Variants in ZNF814 observed in about 807,000 individuals in gnomAD.
The protein encoded by ZNF814 is zinc finger protein 814.
Under a neutral mutation model 7.5 loss-of-function variants are expected in ZNF814, and 5 were observed. The observed-to-expected ratio is 0.67, with a 90% CI of 0.35 to 1.40. The LOEUF (loss-of-function observed/expected upper bound fraction) is 1.40. Among genes scored for constraint, ZNF814 ranks in the 40% most tolerant of loss-of-function variants. ZNF814 has a pLI of 0.04. For synonymous variants in ZNF814, 315 were observed against 340.7 expected, an observed-to-expected ratio of 0.92 and a Z score of 0.83; for missense variants, 962 against 1,018.0, an observed-to-expected ratio of 0.94 and a Z score of 0.75.
chr19:57,888,944 G>T lies in ZNF814; in HGVS notation c.-142C>A. The T allele has an allele frequency of 1.2e-6, 1 of 866,450 alleles. No homozygotes were observed. Among genetic ancestry groups the T allele is most frequent in the Non-Finnish European group, 1.8e-6 (1 of 556,234 alleles). The allele number at this position is 866,450 out of a possible 1,614,324, so 53.7% of individuals were successfully genotyped here. A position where few individuals can be genotyped will look rare whatever the true frequency, so the allele number is the denominator to read the frequency against. ...CCAGAGTAGCCTCTGTGCAGCGGAG[G>T]ACAACTGCTCCCCGACTTCTGGGTT... On this transcript the variant is annotated 5_prime_UTR_variant, in exon 1 of 3. Coordinates refer to ENST00000435989, the MANE Select transcript of ZNF814 (RefSeq NM_001144989.2).
chr19:57,870,916 G>T lies in ZNF814; in HGVS notation c.*1906C>A, dbSNP rs1275474259. On this transcript the variant is annotated 3_prime_UTR_variant, in exon 3 of 3. Coordinates refer to ENST00000435989, the MANE Select transcript of ZNF814 (RefSeq NM_001144989.2). ...AATCGTTTGAACCTGGGAGGCAGAG[G>T]TTGCCGTGAGCCAAGATTATGCCAC... 6.6e-6 allele frequency: 1 copy of T among 151,906 alleles called. No homozygotes were observed. The highest frequency in any genetic ancestry group is 2.4e-5 in the African/African-American group (1 of 41,316). The allele number at this position is 151,906 out of a possible 1,614,324, so 9.4% of individuals were successfully genotyped here.
rs1423234091 is a variant in ZNF814, at chr19:57,882,373, C to T, written c.37-5331G>A. ...AAGGACATAAGCCTGTCTGGCTTTG[C>T]CACCTGCTGACTGTACCGGGCTAGG... is the stretch of plus-strand genomic sequence containing the variant. On this transcript the variant is annotated intron_variant, in intron 1 of 2. Transcript: ENST00000435989. Among the ~76,000 whole-genome samples the T allele has an allele frequency of 1.1e-4, 6 of 56,900 alleles. 3 individuals carry two copies. The East Asian group carries it at 2.4e-3, about 23-fold the overall frequency. The allele number at this position is 56,900 out of a possible 152,430, so 37.3% of individuals were successfully genotyped here. A position where few individuals can be genotyped will look rare whatever the true frequency, so the allele number is the denominator to read the frequency against.
rs2071574553 is a variant in ZNF814 at position 57,873,451 on chromosome 19, G to C, written c.1939C>G (p.Leu647Val). The change falls in exon 3 of 3, where the codon CTT (leucine) becomes GTT (valine). Residue 647 changes from leucine (L) to valine (V), a missense_variant. Transcript: ENST00000435989. The stretch of plus-strand genomic sequence containing the variant: ...GTGTGAACTCGCTGATGATTCCTAA[G>C]GTGTCCTTTTTCATTAAAAGATTTC... ...CGKSFNEKGH[L>V]RNHQRVHTTE... 2.5e-6 allele frequency: 4 copies of C among 1,613,924 alleles called. No individual in the cohort carries two copies. Among genetic ancestry groups the C allele is most frequent in the Non-Finnish European group, 2.5e-6 (3 of 1,180,008 alleles).
At chr19:57,895,768 G>T in the ZNF814 span, among the ~76,000 whole-genome samples, 1 of 152,078 alleles carries the variant, frequency 6.6e-6, no homozygotes, top group Non-Finnish European at 1.5e-5. Flanking sequence ...TCCCTTCAAG[G>T]TTCACCAGAA....
At chr19:57,897,141 T>G in the ZNF814 span, among the ~76,000 whole-genome samples, 1 of 152,168 alleles carries the variant, frequency 6.6e-6, no homozygotes, top group African/African-American at 2.4e-5. Context: ...AGGCCATAAC[T>G]GACAAAACAG....
chr19:57,902,922 G>A, the ZNF814 span, among the ~76,000 whole-genome samples: 3 of 151,776 alleles, frequency 2.0e-5, no homozygotes, highest in Admixed American at 6.6e-5. Flanking sequence ...CTCATGATCC[G>A]CCCGCCGCAG....
chr19:57,871,680 G>C lies in ZNF814; in HGVS notation c.*1142C>G, dbSNP rs74909970. On this transcript the variant is annotated 3_prime_UTR_variant, in exon 3 of 3. Transcript: ENST00000435989. ...ACATAGTCCGTCTTTTCAAGTCAAC[G>C]TAAGAGGCCTCTGGGATAAAAATGG... is the stretch of plus-strand genomic sequence containing the variant. The C allele has an allele frequency of 6.6e-6, 1 of 151,848 alleles. No homozygotes were observed. The highest frequency in any genetic ancestry group is 1.5e-5 in the Non-Finnish European group (1 of 68,002). 9.4% of individuals were successfully genotyped at this position (151,848 alleles called of 1,614,324 possible).
At chr19:57,892,982 G>C (rs896532530), upstream of ZNF814, among the ~76,000 whole-genome samples, 1 of 152,122 alleles carries the variant, frequency 6.6e-6, no homozygotes, top group Non-Finnish European at 1.5e-5. Flanking sequence ...TGGCTAATGT[G>C]TATGTTTTGT....
chr19:57,905,021 T>C, the ZNF814 span, among the ~76,000 whole-genome samples: 1 of 118,626 alleles, frequency 8.4e-6, no homozygotes, highest in African/African-American at 3.3e-5. Flanking sequence ...CACTCCAGCC[T>C]GGGCAACAAG....
At chr19:57,902,928 C>T in the ZNF814 span, among the ~76,000 whole-genome samples, 149 of 152,218 alleles carry the variant, frequency 9.8e-4, 1 homozygote, top group Middle Eastern at 0.01. Context: ...ATCCGCCCGC[C>T]GCAGCCTCCC....
chr19:57,875,322 A>C (rs2071597158), intron 2 of ZNF814, 96 bp from the exon 3 acceptor site: 1 of 1,609,682 alleles, frequency 6.2e-7, no homozygotes, highest in Non-Finnish European at 8.5e-7. Context: ...GAATTACTCC[A>C]AGGAACTACT....
At chr19:57,900,886 C>A in the ZNF814 span, among the ~76,000 whole-genome samples, 17 of 96,042 alleles carry the variant, frequency 1.8e-4, no homozygotes, top group Middle Eastern at 0.011. Context: ...CTTGCTCTGT[C>A]GCCCAGGCTG....
At chr19:57,898,613 CCTA>C in the ZNF814 span, among the ~76,000 whole-genome samples, 1 of 152,250 alleles carries the variant, frequency 6.6e-6, no homozygotes, top group East Asian at 1.9e-4. Context: ...ACACATAGAG[CCTA>C]CTTTCTCTCC....
At chr19:57,875,731 T>C (rs1184823956) in intron 2 of ZNF814, among the ~76,000 whole-genome samples, 2 of 152,060 alleles carry the variant, frequency 1.3e-5, no homozygotes, top group African/African-American at 2.4e-5. Context: ...AGAATGGACA[T>C]TAGGGTACAA....
At chr19:57,890,150 T>C (rs1160211507), upstream of ZNF814, among the ~76,000 whole-genome samples, 1 of 152,172 alleles carries the variant, frequency 6.6e-6, no homozygotes, top group Non-Finnish European at 1.5e-5. Context: ...ATTATTGTAT[T>C]GTTAAAATGA....
At chr19:57,883,085 G>A (rs1429431055) in intron 1 of ZNF814, among the ~76,000 whole-genome samples, 4 of 151,906 alleles carry the variant, frequency 2.6e-5, no homozygotes, top group Non-Finnish European at 1.5e-5. Context: ...CTGGCCGGGT[G>A]TGGTGGCTCA....
intron 1 of ZNF814, among the ~76,000 whole-genome samples, chr19:57,879,821 G>A (rs1411774902): frequency 7.9e-6 from 1 of 126,882 alleles, no homozygotes; most frequent in Non-Finnish European, 1.7e-5. Context: ...GCCAGGCACG[G>A]TGGCTCGAGT....
At chr19:57,877,601 C>A (rs978009947) in intron 1 of ZNF814, among the ~76,000 whole-genome samples, 3 of 152,018 alleles carry the variant, frequency 2.0e-5, no homozygotes, top group Non-Finnish European at 4.4e-5. Context: ...TACCACCACA[C>A]CTGGCTAATT....
chr19:57,888,246 T>C (rs1167364726), intron 1 of ZNF814, among the ~76,000 whole-genome samples: 1 of 152,238 alleles, frequency 6.6e-6, no homozygotes, highest in Non-Finnish European at 1.5e-5. Context: ...TCAGCCTCTG[T>C]GCCCATGGCC....
Sources: gnomAD v4.1 joint callset for allele counts (sites outside exome capture counted in the v4.1 genomes callset) on GRCh38, gnomAD v4.1.1 for gene constraint, MANE v1.5 for transcripts, NCBI Gene and HGNC (gene_info 2026-07-23, HGNC 2026-07-21) for gene names.